The following GHRHR variants were observed in gnomAD, a reference collection of about 807,000 sequenced individuals.
The protein encoded by GHRHR is growth hormone-releasing hormone receptor.
Under a neutral mutation model 58.3 loss-of-function variants are expected in GHRHR, and 40 were observed. The ratio of observed to expected loss-of-function variants is 0.69; its 90% CI spans 0.53 to 0.89. The LOEUF (loss-of-function observed/expected upper bound fraction) is 0.89. Among genes scored for constraint, GHRHR ranks in the 40% least tolerant of loss-of-function variants. The pLI, the probability that GHRHR is intolerant of heterozygous loss-of-function variation, is 0.00. For missense variants in GHRHR, 551 were observed against 541.3 expected (o/e 1.02, Z -0.18); for synonymous variants, 249 against 216.6 (o/e 1.15, Z -1.31).
intron 8 of GHRHR, 27 bp from the exon 9 acceptor site, chr7:30,974,944 C>T: frequency 3.9e-6 from 6 of 1,546,288 alleles, no homozygotes; most frequent in Non-Finnish European, 5.4e-6. Flanking sequence ...GACTTTCCAA[C>T]AACGGCCTTC....
At chr7:30,978,855 A>G (rs996623315) in intron 12 of GHRHR, among the ~76,000 whole-genome samples, 1 of 152,226 alleles carries the variant, frequency 6.6e-6, no homozygotes, top group African/African-American at 2.4e-5. Flanking sequence ...GAAAGCACCT[A>G]TAAATGTCTT....
At chr7:30,977,860 A>T (rs929711937) in intron 12 of GHRHR, among the ~76,000 whole-genome samples, 1 of 152,236 alleles carries the variant, frequency 6.6e-6, no homozygotes, top group African/African-American at 2.4e-5. Flanking sequence ...GGGGAGATAG[A>T]CATGAAAAGA....
chr7:30,979,174 C>A lies in GHRHR; in HGVS notation c.1202C>A (p.Ala401Asp). Residue 401 changes from alanine to aspartate, a missense_variant, in exon 13 of 13, where the codon GCC becomes GAC. Ala to Asp is a moderately radical substitution (Grantham distance 126, BLOSUM62 -2). Transcript: ENST00000326139. Reference sequence around the variant, plus strand: ...GGCCATGACCCTGAGCTTCTGCCAGCCTGGAGGACCCGTGCTAAGTGGACC... The same window carrying A: ...GGCCATGACCCTGAGCTTCTGCCAGACTGGAGGACCCGTGCTAAGTGGACC... ...WHGHDPELLP[A>D]WRTRAKWTTP... 1 of 1,613,686 alleles carries A rather than the reference C, an allele frequency of 6.2e-7. No individual in the cohort carries two copies. Among genetic ancestry groups the A allele is most frequent in the South Asian group, 1.1e-5 (1 of 91,072 alleles).
Position 30,969,895 on chromosome 7 carries a change from T to C in GHRHR, c.297T>C (p.Thr99=). The C allele has an allele frequency of 6.2e-7, 1 of 1,610,796 alleles. No individual in the cohort carries two copies. Among genetic ancestry groups the C allele is most frequent in the Non-Finnish European group, 8.5e-7 (1 of 1,176,912 alleles). Residue 99 remains threonine, a synonymous_variant, in exon 4 of 13, where the codon ACT becomes ACC. Transcript: ENST00000326139. ...SGAVKRDCTI[T]GWSEPFPPYP... ...CTGTGAAACGGGATTGTACTATCAC[T>C]GGCTGGTCTGAGCCCTTTCCACCTT...
intron 1 of GHRHR, among the ~76,000 whole-genome samples, chr7:30,967,582 C>T (rs1792382481): frequency 9.8e-6 from 1 of 101,724 alleles, no homozygotes; most frequent in African/African-American, 5.4e-5. Context: ...TGCACCCATC[C>T]ATGCAGCCAG....
chr7:30,976,381 C>T, intron 10 of GHRHR, 48 bp from the exon 11 acceptor site: 1 of 1,588,048 alleles, frequency 6.3e-7, no homozygotes, highest in South Asian at 1.1e-5. Flanking sequence ...GTGCACACGA[C>T]AGTTTCTAAT....
intron 2 of GHRHR, 32 bp from the exon 3 acceptor site, chr7:30,969,031 T>A: frequency 6.4e-7 from 1 of 1,555,886 alleles, no homozygotes; most frequent in Non-Finnish European, 8.8e-7. Flanking sequence ...GCACCTGGGC[T>A]GAGTCTCTGC....
chr7:30,975,845 C>T lies in GHRHR; in HGVS notation c.951C>T (p.Ser317=). The part of the protein sequence containing the change: ...LVRKLEPAQG[S]LHTQSQYWRL... ...GGAAACTGGAGCCAGCTCAGGGCAG[C>T]CTCCATACCCAGTCTCAGTATTGGT... The change falls in exon 10 of 13, where the codon AGC becomes AGT. Residue 317 remains serine, a synonymous_variant. Transcript: ENST00000326139. 6.2e-7 allele frequency: 1 copy of T among 1,603,472 alleles called. No individual in the cohort carries two copies.
rs1358534818 is a variant in GHRHR, at chr7:30,964,089, G to A, written c.21G>A (p.Gly7=). 3 of 1,550,424 alleles carry A rather than the reference G, an allele frequency of 1.9e-6. No homozygotes were observed. Among genetic ancestry groups the A allele is most frequent in the Admixed American group, 2.0e-5 (1 of 51,016 alleles). The change falls in exon 1 of 13, where the codon GGG becomes GGA. Residue 7 remains glycine, a synonymous_variant. Transcript: ENST00000326139. ...TCACCATGGACCGCCGGATGTGGGG[G>A]GCCCACGTCTTCTGCGTGTTGAGCC... is the stretch of plus-strand genomic sequence containing the variant. MDRRMW[G]AHVFCVLSPL... is the part of the protein sequence containing the mutation.
At chr7:30,965,422 TG>T (rs3216471) in intron 1 of GHRHR, among the ~76,000 whole-genome samples, 1 of 151,734 alleles carries the variant, frequency 6.6e-6, no homozygotes, top group Admixed American at 6.6e-5. Context: ...ACGATGTGTG[TG>T]GGGGGGTGAC....
intron 6 of GHRHR, among the ~76,000 whole-genome samples, chr7:30,972,501 G>A (rs1034422324): frequency 1.3e-5 from 2 of 152,150 alleles, no homozygotes; most frequent in African/African-American, 2.4e-5. Flanking sequence ...CAGATTAGGG[G>A]ACTCCCAAGT....
intron 6 of GHRHR, 88 bp from the exon 7 acceptor site, chr7:30,973,897 A>G: frequency 7.5e-7 from 1 of 1,329,386 alleles, no homozygotes; most frequent in South Asian, 1.2e-5. Context: ...AGGGGCCTGG[A>G]GGTTCTGTAT....
intron 4 of GHRHR, among the ~76,000 whole-genome samples, chr7:30,970,664 A>G (rs1584412846): frequency 6.6e-6 from 1 of 152,116 alleles, no homozygotes; most frequent in South Asian, 2.1e-4. Context: ...ACTCTGACTG[A>G]TCCAAACACT....
rs1450246053 is a variant in GHRHR at position 30,964,123 on chromosome 7, A to G, written c.55A>G (p.Thr19Ala). Residue 19 changes from threonine to alanine, a missense_variant and splice_region_variant, in exon 1 of 13, where the codon ACC becomes GCC. Physicochemically the swap from Thr to Ala is moderately conservative, Grantham distance 58. Coordinates refer to ENST00000326139, the MANE Select transcript of GHRHR (RefSeq NM_000823.4). ...HVFCVLSPLPTVLGHMHPECD... is the reference protein window; with the variant it reads ...HVFCVLSPLPAVLGHMHPECD... ...CTTCTGCGTGTTGAGCCCGTTACCG[A>G]CCGTGAGTAGCCAGCTGAGACCCTC... 1.9e-6 allele frequency: 3 copies of G among 1,548,470 alleles called. No homozygotes were observed. Among genetic ancestry groups the G allele is most frequent in the East Asian group, 4.9e-5 (2 of 40,894 alleles).
intron 9 of GHRHR, among the ~76,000 whole-genome samples, chr7:30,975,469 A>C (rs1157105244): frequency 6.6e-6 from 1 of 152,184 alleles, no homozygotes; most frequent in African/African-American, 2.4e-5. Context: ...AACTGTGCAA[A>C]GTGAGGGACA....
Position 30,979,295 on chromosome 7 carries a change from C to G in GHRHR, c.*51C>G, listed in dbSNP as rs185262577. 1 of 1,591,316 alleles carries G rather than the reference C, an allele frequency of 6.3e-7. No homozygotes were observed. On this transcript the variant is annotated 3_prime_UTR_variant, in exon 13 of 13. Coordinates refer to ENST00000326139, the MANE Select transcript of GHRHR (RefSeq NM_000823.4). Reference sequence around the variant, plus strand: ...CACACTTGAATTTGGGCAGCTACCACGGGTCTGCCATGCTCTGGAGGAGCA... The same window carrying G: ...CACACTTGAATTTGGGCAGCTACCAGGGGTCTGCCATGCTCTGGAGGAGCA...
At chr7:30,974,901 A>G in intron 8 of GHRHR, 70 bp from the exon 9 acceptor site, 1 of 979,894 alleles carries the variant, frequency 1.0e-6, no homozygotes, top group Non-Finnish European at 1.7e-6. Context: ...TGAATGCCTG[A>G]GAGGGAGGTG....
At chr7:30,971,292 C>G (rs1194017229) in intron 5 of GHRHR, 76 bp downstream of exon 5, 2 of 740,628 alleles carry the variant, frequency 2.7e-6, no homozygotes, top group African/African-American at 1.7e-5. Context: ...TGCTTCCTTG[C>G]CTACATAGCC....
At chr7:30,975,688 C>G in intron 9 of GHRHR, 89 bp from the exon 10 acceptor site, 1 of 775,392 alleles carries the variant, frequency 1.3e-6, no homozygotes, top group Non-Finnish European at 2.4e-6. Flanking sequence ...TTTAAATTTT[C>G]TAGTCCCCAA....
Sources: allele counts gnomAD v4.1 joint callset (sites outside exome capture counted in the v4.1 genomes callset), GRCh38; gene constraint gnomAD v4.1.1; transcripts MANE v1.5; gene names NCBI Gene and HGNC (gene_info 2026-07-23, HGNC 2026-07-21).